Variants in COG5 observed in about 807,000 individuals in gnomAD.
COG5 encodes component of oligomeric golgi complex 5.
Under a neutral mutation model 110.4 loss-of-function variants are expected in COG5, and 86 were observed. The ratio of observed to expected loss-of-function variants is 0.78; its 90% confidence interval spans 0.65 to 0.93. COG5 has a LOEUF of 0.93. COG5 is among the 40% of genes least tolerant of loss of function. The pLI is 0.00. For synonymous variants in COG5, 360 were observed against 334.6 expected (o/e 1.08, Z -0.83); for missense variants, 1,077 against 987.0 (o/e 1.09, Z -1.22).
rs757035635 is a variant in COG5, at chr7:107,412,494, TTTA to T, written c.669+5_669+7del. On this transcript the variant is annotated splice_donor_5th_base_variant and intron_variant, in intron 7 of 21. Transcript: ENST00000297135. Reference sequence around the variant, plus strand: ...TTTTACATTAAAAAACAGTCTTATTTTTATTACCTGAGTCTCCAAACCCTGCTC... The same window carrying T: ...TTTTACATTAAAAAACAGTCTTATTTTTACCTGAGTCTCCAAACCCTGCTC... 3.1e-6 allele frequency: 5 copies of T among 1,612,204 alleles called. No homozygotes were observed. The East Asian group carries it at 1.1e-4, about 36-fold the overall frequency.
At chr7:107,235,514 C>T (rs765309333) in intron 18 of COG5, among the ~76,000 whole-genome samples, 3 of 152,166 alleles carry the variant, frequency 2.0e-5, no homozygotes, top group Non-Finnish European at 4.4e-5. Context: ...ACCAGCTTGG[C>T]CAATACGGTT....
chr7:107,439,613 T>C (rs1234824972), intron 6 of COG5, among the ~76,000 whole-genome samples: 5 of 152,010 alleles, frequency 3.3e-5, no homozygotes, highest in Admixed American at 2.0e-4. Context: ...TTCTTAAATA[T>C]ATTTAACATA....
intron 12 of COG5, among the ~76,000 whole-genome samples, chr7:107,287,780 TTA>T (rs1171592865): frequency 2.0e-5 from 3 of 152,216 alleles, no homozygotes; most frequent in African/African-American, 4.8e-5. Context: ...CTTCTTTCAC[TTA>T]GTATAATGTT....
chr7:107,203,702 T>C, intron 21 of COG5, 72 bp from the exon 22 acceptor site: 3 of 945,430 alleles, frequency 3.2e-6, no homozygotes, highest in Non-Finnish European at 1.7e-6. Context: ...GATACCAATA[T>C]ATAAAAATTA....
At chr7:107,289,062 G>C (rs1413554662) in intron 12 of COG5, among the ~76,000 whole-genome samples, 1 of 150,610 alleles carries the variant, frequency 6.6e-6, no homozygotes, top group Non-Finnish European at 1.5e-5. Flanking sequence ...CTGGACTCAA[G>C]TGATTTTCTC....
chr7:107,456,604 G>A (rs1027323025), intron 6 of COG5, among the ~76,000 whole-genome samples: 1 of 152,194 alleles, frequency 6.6e-6, no homozygotes, highest in Non-Finnish European at 1.5e-5. Context: ...GGAATTCTCA[G>A]GTCAGAATAA....
At chr7:107,441,536 G>C (rs1450560046) in intron 6 of COG5, among the ~76,000 whole-genome samples, 1 of 152,128 alleles carries the variant, frequency 6.6e-6, no homozygotes, top group East Asian at 1.9e-4. Flanking sequence ...CTGTAATCCA[G>C]AGCTTACATT....
At chr7:107,263,947 T>C (rs1337145076) in intron 14 of COG5, among the ~76,000 whole-genome samples, 1 of 152,216 alleles carries the variant, frequency 6.6e-6, no homozygotes, top group Admixed American at 6.5e-5. Flanking sequence ...AGGGATGAGT[T>C]GGATGACAAC....
chr7:107,315,645 T>C (rs1164974777), intron 11 of COG5, among the ~76,000 whole-genome samples: 2 of 152,068 alleles, frequency 1.3e-5, no homozygotes, highest in Non-Finnish European at 2.9e-5. Context: ...CCTTTAGATA[T>C]ACTTTGCCAA....
chr7:107,263,000 C>T (rs1803490739), intron 14 of COG5, among the ~76,000 whole-genome samples: 1 of 152,194 alleles, frequency 6.6e-6, no homozygotes, highest in South Asian at 2.1e-4. Context: ...TTTTCCTTTG[C>T]TTGGTTCCTT....
chr7:107,440,247 C>T (rs1259082307), intron 6 of COG5, among the ~76,000 whole-genome samples: 1 of 152,026 alleles, frequency 6.6e-6, no homozygotes, highest in Non-Finnish European at 1.5e-5. Flanking sequence ...CATAGGAGAA[C>T]TTCAGTATGT....
Position 107,508,825 on chromosome 7 carries a change from T to C in COG5, c.538+18412A>G, listed in dbSNP as rs1019421182. ...CCTCTAGCAAACTCCAACAGACCTG[T>C]AGCAGAGGGTCCTGTCTGTTAAAAG... On this transcript the variant is annotated intron_variant, in intron 6 of 21. Coordinates refer to ENST00000297135, the MANE Select transcript of COG5 (RefSeq NM_006348.5). 7.2e-5 allele frequency among the ~76,000 whole-genome samples: 11 copies of C among 152,228 alleles called. No individual in the cohort carries two copies. The East Asian group carries it at 1.5e-3, about 21-fold the overall frequency.
rs571734983 is a variant in COG5, at chr7:107,474,533, T to C, written c.538+52704A>G. 6.2e-7 allele frequency: 1 copy of C among 1,611,562 alleles called. No homozygotes were observed. Among genetic ancestry groups the C allele is most frequent in the African/African-American group, 1.3e-5 (1 of 74,962 alleles). On this transcript the variant is annotated intron_variant, in intron 6 of 21. Transcript: ENST00000297135. The surrounding 1 kb of genome is among the most constrained non-coding windows in gnomAD (Gnocchi z 5.7). The stretch of plus-strand genomic sequence containing the variant: ...CGAATTCTGACAATGGGCAGAGCTG[T>C]AATGTTAATGATATCCATTTGGATT...
intron 6 of COG5, among the ~76,000 whole-genome samples, chr7:107,516,240 A>G (rs1365712480): frequency 6.6e-6 from 1 of 152,200 alleles, no homozygotes; most frequent in Non-Finnish European, 1.5e-5. Flanking sequence ...GATGTTGAGC[A>G]TGTTTACAGA....
At chr7:107,451,712 GA>G (rs1161369139) in intron 6 of COG5, among the ~76,000 whole-genome samples, 1 of 151,962 alleles carries the variant, frequency 6.6e-6, no homozygotes, top group Non-Finnish European at 1.5e-5. Context: ...TCCAATTAAT[GA>G]ACATTAAATA....
intron 6 of COG5, among the ~76,000 whole-genome samples, chr7:107,513,768 A>T (rs1273243795): frequency 1.3e-5 from 2 of 152,170 alleles, no homozygotes; most frequent in Non-Finnish European, 2.9e-5. Flanking sequence ...TGAAGCTGGA[A>T]ACCATCATTC....
intron 7 of COG5, among the ~76,000 whole-genome samples, chr7:107,399,482 G>A (rs1563011112): frequency 6.6e-6 from 1 of 151,806 alleles, no homozygotes; most frequent in African/African-American, 2.4e-5. Flanking sequence ...GTTTTATAAT[G>A]GGCTCTTTCC....
At chr7:107,241,867 A>G (rs1193012598) in intron 17 of COG5, among the ~76,000 whole-genome samples, 1 of 152,212 alleles carries the variant, frequency 6.6e-6, no homozygotes, top group South Asian at 2.1e-4. Context: ...TGCAGCCTCA[A>G]TTCCTTCAGG....
At position 107,476,183 on chromosome 7, in the gene COG5, T is replaced by TAAAAA. The variant is rs1563056700; in HGVS notation, c.538+51053_538+51054insTTTTT. Among the ~76,000 whole-genome samples, 125 of 86,404 alleles carry TAAAAA rather than the reference T, an allele frequency of 1.4e-3. 2 individuals carry two copies. Among genetic ancestry groups the TAAAAA allele is most frequent in the African/African-American group, 6.5e-3 (112 of 17,162 alleles). The allele number at this position is 86,404 out of a possible 152,430, so 56.7% of individuals were successfully genotyped here. On this transcript the variant is annotated intron_variant, in intron 6 of 21. Transcript: ENST00000297135. ...TCTGGATTAATATAGTGCAATGATT[T>TAAAAA]TAAAAAAAAAAAAAAAAAAAAAAAG...
Sources: allele counts gnomAD v4.1 joint callset (sites outside exome capture counted in the v4.1 genomes callset), GRCh38; gene constraint gnomAD v4.1.1; non-coding constraint Gnocchi (gnomAD v3.1); transcripts MANE v1.5; gene names NCBI Gene and HGNC (gene_info 2026-07-23, HGNC 2026-07-21).